Variants in CSMD3 observed in about 807,000 individuals in gnomAD.
CSMD3 encodes CUB and sushi domain-containing protein 3.
Under a neutral mutation model 435.2 loss-of-function variants are expected in CSMD3, and 177 were observed. That is an observed-to-expected ratio of 0.41 (90% CI 0.36 to 0.46). The LOEUF is 0.46. Among genes scored for constraint, CSMD3 ranks in the 20% least tolerant of loss-of-function variants. The probability of loss-of-function intolerance (pLI) is 0.34; values close to 1 mark genes in which losing one functional copy is unlikely to be tolerated. For synonymous variants in CSMD3, 1,656 were observed against 1,520.5 expected (o/e 1.09, Z -2.07); for missense variants, 4,265 against 4,504.6 (o/e 0.95, Z 1.52).
intron 39 of CSMD3, 110 bp downstream of exon 39, chr8:112,352,306 G>T: frequency 6.5e-7 from 1 of 1,549,686 alleles, no homozygotes; most frequent in Non-Finnish European, 8.8e-7. Flanking sequence ...TTTGACCTCA[G>T]ACACAAACCA....
chr8:112,291,741 A>G (rs761499053), intron 55 of CSMD3, 46 bp from the exon 56 acceptor site: 8 of 1,174,040 alleles, frequency 6.8e-6, no homozygotes, highest in South Asian at 2.5e-5. Context: ...AATAATATAC[A>G]TATACCTATA....
chr8:113,156,980 GT>G (rs1299103796), intron 4 of CSMD3, among the ~76,000 whole-genome samples: 8 of 151,326 alleles, frequency 5.3e-5, no homozygotes, highest in Non-Finnish European at 1.2e-4. Flanking sequence ...GAGAGAGATG[GT>G]TTGTTTGTAT....
At chr8:113,216,244 A>G (rs1405646465) in intron 3 of CSMD3, among the ~76,000 whole-genome samples, 1 of 151,938 alleles carries the variant, frequency 6.6e-6, no homozygotes, top group Non-Finnish European at 1.5e-5. Context: ...ACAATGATGC[A>G]AATTATATCT....
At chr8:112,434,029 T>C (rs1011082915) in intron 32 of CSMD3, among the ~76,000 whole-genome samples, 1 of 152,136 alleles carries the variant, frequency 6.6e-6, no homozygotes, top group Non-Finnish European at 1.5e-5. Flanking sequence ...GGTTTTCAAA[T>C]ATACTAACTC....
chr8:112,963,598 T>C (rs1043842632), intron 7 of CSMD3, among the ~76,000 whole-genome samples: 2 of 151,942 alleles, frequency 1.3e-5, no homozygotes, highest in African/African-American at 4.8e-5. Flanking sequence ...ACAACGCAAC[T>C]GTGCTGTTTT....
intron 18 of CSMD3, among the ~76,000 whole-genome samples, chr8:112,653,937 C>T (rs2075194352): frequency 3.3e-5 from 5 of 151,962 alleles, no homozygotes; most frequent in African/African-American, 4.8e-5. Flanking sequence ...GGATTACAGG[C>T]GTGAGCCACC....
At chr8:113,207,888 A>G (rs2092789519) in intron 3 of CSMD3, among the ~76,000 whole-genome samples, 1 of 152,178 alleles carries the variant, frequency 6.6e-6, no homozygotes, top group Non-Finnish European at 1.5e-5. Flanking sequence ...CTGCTACTTA[A>G]CAATATACCT....
intron 4 of CSMD3, among the ~76,000 whole-genome samples, chr8:113,147,051 A>G (rs964897209): frequency 2.0e-5 from 3 of 151,682 alleles, no homozygotes; most frequent in African/African-American, 7.2e-5. Context: ...GAAATACAAC[A>G]TGCAACATTA....
chr8:112,976,240 T>C, intron 6 of CSMD3, 92 bp from the exon 7 acceptor site: 1 of 1,408,466 alleles, frequency 7.1e-7, no homozygotes, highest in Non-Finnish European at 9.8e-7. Context: ...TTCTCTTCTA[T>C]TACCTTAAGG....
intron 6 of CSMD3, among the ~76,000 whole-genome samples, chr8:113,009,532 C>G (rs902702408): frequency 2.0e-5 from 3 of 151,706 alleles, no homozygotes; most frequent in African/African-American, 7.3e-5. Context: ...AAAAAAAGCC[C>G]TTGTCACGTT....
intron 3 of CSMD3, among the ~76,000 whole-genome samples, chr8:113,276,375 T>A (rs1201966828): frequency 6.6e-6 from 1 of 151,988 alleles, no homozygotes; most frequent in Non-Finnish European, 1.5e-5. Flanking sequence ...GACAGATACA[T>A]CAGAGGGGAA....
At chr8:112,312,337 G>T (rs947203825) in intron 49 of CSMD3, among the ~76,000 whole-genome samples, 1 of 151,836 alleles carries the variant, frequency 6.6e-6, no homozygotes, top group Non-Finnish European at 1.5e-5. Context: ...TCATTGCAAC[G>T]CCCACCTCCC....
intron 1 of CSMD3, among the ~76,000 whole-genome samples, chr8:113,412,334 C>T (rs1477897656): frequency 6.6e-6 from 1 of 152,046 alleles, no homozygotes; most frequent in East Asian, 1.9e-4. Flanking sequence ...TTTGTCTTGT[C>T]TTCTCTACAT....
chr8:112,546,509 G>A (rs1017233697), intron 27 of CSMD3, among the ~76,000 whole-genome samples: 1 of 152,064 alleles, frequency 6.6e-6, no homozygotes, highest in African/African-American at 2.4e-5. Context: ...TATTAGCTAC[G>A]GGCCTCAGCA....
intron 1 of CSMD3, among the ~76,000 whole-genome samples, chr8:113,375,267 C>T (rs1480481309): frequency 6.6e-6 from 1 of 151,992 alleles, no homozygotes; most frequent in Non-Finnish European, 1.5e-5. Flanking sequence ...AGTTGTTACA[C>T]CAGAAAAGAG....
intron 1 of CSMD3, among the ~76,000 whole-genome samples, chr8:113,356,457 G>A (rs2094228770): frequency 6.6e-6 from 1 of 152,038 alleles, no homozygotes; most frequent in Admixed American, 6.6e-5. Context: ...AAAAAACAAG[G>A]AAGATTTCTA....
intron 32 of CSMD3, among the ~76,000 whole-genome samples, chr8:112,457,840 A>G (rs114003076): frequency 6.6e-6 from 1 of 152,144 alleles, no homozygotes; most frequent in African/African-American, 2.4e-5. Flanking sequence ...CTGTGTCAAG[A>G]TTGATGCTTA....
At chr8:112,992,950 C>A (rs111668572) in intron 6 of CSMD3, among the ~76,000 whole-genome samples, 2,168 of 151,664 alleles carry the variant, frequency 0.014, 35 homozygotes, top group Middle Eastern at 0.048. Context: ...CTAACAAGAT[C>A]ATCCCAAAGA....
chr8:112,406,605 G>GAAT lies in CSMD3; in HGVS notation c.5725_5727dup (p.Ile1909dup). ...CACCTAATTGCTATGGATCCATGGA[G>GAAT]AATATATCCTGGATTACAATCAAAA... On this transcript the variant is annotated inframe_insertion, in exon 35 of 71. Coordinates refer to ENST00000297405, the MANE Select transcript of CSMD3 (RefSeq NM_198123.2). 6.2e-7 allele frequency: 1 copy of GAAT among 1,612,188 alleles called. No homozygotes were observed. The highest frequency in any genetic ancestry group is 8.5e-7 in the Non-Finnish European group (1 of 1,178,462).
Sources: gnomAD v4.1 joint callset for allele counts (sites outside exome capture counted in the v4.1 genomes callset) on GRCh38, gnomAD v4.1.1 for gene constraint, MANE v1.5 for transcripts, NCBI Gene and HGNC (gene_info 2026-07-23, HGNC 2026-07-21) for gene names.